The following ADGRE2 variants were observed in gnomAD, a reference collection of about 807,000 sequenced individuals.
The protein encoded by ADGRE2 is adhesion G protein-coupled receptor E2, also known as CD97 antigen.
ADGRE2 carries 83 observed loss-of-function variants against 100.8 expected under a neutral mutation model. That is an observed-to-expected ratio of 0.82 (90% CI 0.69 to 0.99). The LOEUF is 0.99. Ranked by LOEUF, ADGRE2 falls within the 50% of genes least tolerant of loss-of-function variation. The pLI is 0.00. For missense variants in ADGRE2, 814 were observed against 1,035.7 expected, an observed-to-expected ratio of 0.79 and a Z score of 2.94; for synonymous variants, 355 against 413.0, an observed-to-expected ratio of 0.86 and a Z score of 1.70.
intron 18 of ADGRE2, among the ~76,000 whole-genome samples, chr19:14,745,381 C>T (rs1319552131): frequency 4.6e-5 from 7 of 152,158 alleles, no homozygotes; most frequent in Non-Finnish European, 1.5e-5. Flanking sequence ...TCCGTCACTT[C>T]GCGTGTCTAC....
In ADGRE2 at chr19:14,766,881, C is replaced by A. The variant is rs191472852; in HGVS notation, c.487+97G>T. The A allele has an allele frequency of 2.9e-6, 4 of 1,395,750 alleles. No homozygotes were observed. The Admixed American group carries it at 8.6e-5, about 30-fold the overall frequency. The allele number at this position is 1,395,750 out of a possible 1,614,324, so 86.5% of individuals were successfully genotyped here. A position where few individuals can be genotyped will look rare whatever the true frequency, so the allele number is the denominator to read the frequency against. Reference sequence around the variant, plus strand: ...AGGTCCTTGACCTTGTGGGAACCTGCGGATCTTCTCCCTCCTCCTCGGCTG... The same window carrying A: ...AGGTCCTTGACCTTGTGGGAACCTGAGGATCTTCTCCCTCCTCCTCGGCTG... On this transcript the variant is annotated intron_variant, in intron 6 of 20. Transcript: ENST00000315576.
At chr19:14,766,167 G>A in intron 7 of ADGRE2, 68 bp downstream of exon 7, 1 of 1,611,136 alleles carries the variant, frequency 6.2e-7, no homozygotes, top group East Asian at 2.2e-5. Flanking sequence ...CTTGGTTTGT[G>A]TGGGCGCCGT....
At chr19:14,753,618 AC>A (rs2043376829) in intron 14 of ADGRE2, among the ~76,000 whole-genome samples, 1 of 151,834 alleles carries the variant, frequency 6.6e-6, no homozygotes, top group South Asian at 2.1e-4. Context: ...ACTTGGTGAA[AC>A]CCCATCTCTA....
intron 10 of ADGRE2, among the ~76,000 whole-genome samples, chr19:14,764,888 G>A (rs1306313485): frequency 5.9e-5 from 9 of 152,146 alleles, no homozygotes; most frequent in Non-Finnish European, 1.3e-4. Flanking sequence ...GTGGTGGCGT[G>A]TGCCTGTAAT....
chr19:14,752,661 C>CCAATT (rs1465316247), intron 14 of ADGRE2, 135 bp from the exon 15 acceptor site: 5 of 1,127,138 alleles, frequency 4.4e-6, no homozygotes, highest in Non-Finnish European at 6.3e-6. Context: ...GAAGATGTCA[C>CCAATT]CAATTTAATT....
At chr19:14,771,632 ATTTATTT>A (rs1328298256) in intron 5 of ADGRE2, among the ~76,000 whole-genome samples, 1 of 135,412 alleles carries the variant, frequency 7.4e-6, no homozygotes, top group African/African-American at 3.1e-5. Context: ...TTATTTATTT[ATTTATTT>A]ATTTATTTAT....
In ADGRE2 at chr19:14,769,647, G is replaced by GC. The variant is rs537734957; in HGVS notation, c.356-2539dup. ...GTGTCTCTGCCTATCCACCAACTAAGCCCCCTCTCTCAGTGTTGGCCTCTT... is the reference window on the plus strand; with the variant it reads ...GTGTCTCTGCCTATCCACCAACTAAGCCCCCCTCTCTCAGTGTTGGCCTCTT... On this transcript the variant is annotated intron_variant, in intron 5 of 20. Transcript: ENST00000315576. Among the ~76,000 whole-genome samples the GC allele has an allele frequency of 1.9e-3, 288 of 152,230 alleles. 1 individual carries two copies. The highest frequency in any genetic ancestry group is 6.3e-3 in the African/African-American group (261 of 41,552).
intron 20 of ADGRE2, among the ~76,000 whole-genome samples, chr19:14,737,929 A>G (rs1317820506): frequency 4.6e-5 from 7 of 151,118 alleles, no homozygotes; most frequent in Non-Finnish European, 5.9e-5. Flanking sequence ...GTGAGCCAAG[A>G]TGGTGCCACT....
the ADGRE2 span, among the ~76,000 whole-genome samples, chr19:14,725,153 G>A: frequency 2.0e-5 from 3 of 152,166 alleles, no homozygotes; most frequent in Non-Finnish European, 2.9e-5. Flanking sequence ...GAGAATGGGA[G>A]CGAGCAGGCA....
intron 20 of ADGRE2, among the ~76,000 whole-genome samples, chr19:14,742,962 C>T (rs184080729): frequency 2.6e-5 from 4 of 151,146 alleles, no homozygotes; most frequent in African/African-American, 7.3e-5. Flanking sequence ...GATAGGGTCT[C>T]ACTCTGTTGC....
chr19:14,745,623 G>C (rs918160204), intron 18 of ADGRE2, among the ~76,000 whole-genome samples: 3 of 151,822 alleles, frequency 2.0e-5, no homozygotes, highest in African/African-American at 7.3e-5. Context: ...TTTAGTTTTT[G>C]AGGCAGAGTC....
chr19:14,743,547 T>G lies in ADGRE2; in HGVS notation c.2353-17A>C. ...CTCCCGGACCTGCAGAGGCAAAGTG[T>G]GTACTGGGTCAGCTCACAGAGAGCA... On this transcript the variant is annotated splice_polypyrimidine_tract_variant and intron_variant, in intron 19 of 20. Transcript: ENST00000315576. 5 of 1,613,942 alleles carry G rather than the reference T, an allele frequency of 3.1e-6. No homozygotes were observed. In the South Asian group the frequency reaches 5.5e-5, roughly 18 times the overall value.
chr19:14,761,854 GACA>G (rs1333381082), intron 11 of ADGRE2, among the ~76,000 whole-genome samples: 1 of 152,184 alleles, frequency 6.6e-6, no homozygotes, highest in Non-Finnish European at 1.5e-5. Flanking sequence ...ATGTAAATTA[GACA>G]CTGCCTCCTC....
chr19:14,754,124 C>A (rs1007980311), intron 14 of ADGRE2, among the ~76,000 whole-genome samples: 3 of 150,564 alleles, frequency 2.0e-5, no homozygotes, highest in Non-Finnish European at 4.4e-5. Flanking sequence ...CAGCCTACAT[C>A]TTTCTCCTGT....
In ADGRE2 at chr19:14,755,155, T is replaced by C. The variant is rs780225244; in HGVS notation, c.1417-28A>G. 8.7e-6 allele frequency: 14 copies of C among 1,602,526 alleles called. No individual in the cohort carries two copies. The South Asian group carries it at 1.4e-4, about 16-fold the overall frequency. On this transcript the variant is annotated intron_variant, in intron 13 of 20. Transcript: ENST00000315576. ...GCAGGAACAGAACACAGGTGTGGGC[T>C]GGGCATGGTGGCTCACGCCTGTAAT...
chr19:14,755,171 C>T (rs766394690), intron 13 of ADGRE2, 44 bp from the exon 14 acceptor site: 49 of 1,587,534 alleles, frequency 3.1e-5, no homozygotes, highest in South Asian at 7.8e-5. Flanking sequence ...TGGTGGCTCA[C>T]GCCTGTAATC....
At position 14,736,249 on chromosome 19, in the gene ADGRE2, AAT is replaced by A. The variant is rs200503456; in HGVS notation, c.2464-7_2464-6del. On this transcript the variant is annotated splice_region_variant and splice_polypyrimidine_tract_variant and intron_variant, in intron 20 of 20. Transcript: ENST00000315576. Reference sequence around the variant, plus strand: ...CAGAAGATTTTTCTAGTTAACCTGAAATATATATATATGTATGTATTTTGTTG... The same window carrying A: ...CAGAAGATTTTTCTAGTTAACCTGAAATATATATATGTATGTATTTTGTTG... The A allele has an allele frequency of 1.0e-4, 160 of 1,533,274 alleles. No individual in the cohort carries two copies. Among genetic ancestry groups the A allele is most frequent in the Non-Finnish European group, 1.2e-4 (138 of 1,109,934 alleles). The allele number at this position is 1,533,274 out of a possible 1,614,324, so 95.0% of individuals were successfully genotyped here. A position where few individuals can be genotyped will look rare whatever the true frequency, so the allele number is the denominator to read the frequency against.
At chr19:14,745,015 GA>G (rs1568583319) in intron 18 of ADGRE2, among the ~76,000 whole-genome samples, 1 of 151,918 alleles carries the variant, frequency 6.6e-6, no homozygotes. Flanking sequence ...TCAGCCTCTG[GA>G]GTAGCTGGGA....
intron 15 of ADGRE2, among the ~76,000 whole-genome samples, chr19:14,752,053 C>T (rs1276805843): frequency 1.3e-5 from 2 of 151,760 alleles, no homozygotes; most frequent in East Asian, 3.9e-4. Context: ...CTTGCCTCAG[C>T]CTCCTGAGTA....
Sources: allele counts gnomAD v4.1 joint callset (sites outside exome capture counted in the v4.1 genomes callset), GRCh38; gene constraint gnomAD v4.1.1; transcripts MANE v1.5; gene names NCBI Gene and HGNC (gene_info 2026-07-23, HGNC 2026-07-21).